The following GPD1L variants were observed in gnomAD, a reference collection of about 807,000 sequenced individuals.
GPD1L encodes glycerol-3-phosphate dehydrogenase 1-like protein.
In GPD1L, 17 loss-of-function variants were observed where a neutral mutation model predicts 32.9. The observed-to-expected ratio is 0.52, with a 90% confidence interval of 0.35 to 0.78. The LOEUF is 0.78. Among genes scored for constraint, GPD1L ranks in the 30% least tolerant of loss-of-function variants. The pLI is 0.01. For synonymous variants in GPD1L, 187 were observed against 165.9 expected, an observed-to-expected ratio of 1.13 and a Z score of -0.98; for missense variants, 361 against 447.8, an observed-to-expected ratio of 0.81 and a Z score of 1.75.
intron 2 of GPD1L, among the ~76,000 whole-genome samples, chr3:32,132,532 C>T (rs1284883038): frequency 6.6e-6 from 1 of 152,146 alleles, no homozygotes. Flanking sequence ...CAGTTCAGTG[C>T]GAAGCCTCAG....
intron 5 of GPD1L, chr3:32,151,142 C>T (rs1231374079): frequency 1.1e-5 from 6 of 541,228 alleles, no homozygotes; most frequent in Middle Eastern, 6.2e-4. Context: ...CACTGGTTCC[C>T]ACAAAGTGCG....
At chr3:32,146,083 C>CTTT (rs59106750) in intron 4 of GPD1L, among the ~76,000 whole-genome samples, 18 of 126,156 alleles carry the variant, frequency 1.4e-4, no homozygotes, top group Non-Finnish European at 2.3e-4. Flanking sequence ...ATGCTTTTTT[C>CTTT]TTTTTTTTTT....
At chr3:32,149,345 C>T (rs931520357) in intron 5 of GPD1L, among the ~76,000 whole-genome samples, 3 of 152,120 alleles carry the variant, frequency 2.0e-5, no homozygotes, top group African/African-American at 4.8e-5. Context: ...ACAGGCATGA[C>T]CCACCACATC....
intron 2 of GPD1L, among the ~76,000 whole-genome samples, chr3:32,128,702 A>G (rs1251804217): frequency 6.6e-6 from 1 of 152,170 alleles, no homozygotes; most frequent in East Asian, 1.9e-4. Flanking sequence ...CTTTTAAGAC[A>G]CTGTTTCCAG....
chr3:32,161,629 G>T (rs189388807), intron 7 of GPD1L, among the ~76,000 whole-genome samples: 1 of 152,296 alleles, frequency 6.6e-6, no homozygotes, highest in East Asian at 1.9e-4. Flanking sequence ...AGGTTGGCTG[G>T]GCATTAGCCT....
chr3:32,162,745 G>A (rs1035971356), intron 7 of GPD1L, among the ~76,000 whole-genome samples: 2 of 152,070 alleles, frequency 1.3e-5, no homozygotes, highest in African/African-American at 2.4e-5. Context: ...AATTCAGCCC[G>A]TACACAACAT....
At chr3:32,128,283 T>C (rs1263821018) in intron 2 of GPD1L, 30 bp downstream of exon 2, 6 of 1,580,482 alleles carry the variant, frequency 3.8e-6, no homozygotes. Context: ...TGTACATTGG[T>C]TCATTCTGCA....
chr3:32,146,509 A>G (rs1205613706), intron 4 of GPD1L, 113 bp from the exon 5 acceptor site: 22 of 737,114 alleles, frequency 3.0e-5, no homozygotes, highest in Middle Eastern at 4.7e-4. Context: ...TAAATATCCT[A>G]TCATGAACAT....
At chr3:32,165,711 A>G in intron 7 of GPD1L, 103 bp from the exon 8 acceptor site, 1 of 730,336 alleles carries the variant, frequency 1.4e-6, no homozygotes, top group Non-Finnish European at 2.5e-6. Context: ...TGTTTTCCAT[A>G]GTCACATACT....
intron 5 of GPD1L, among the ~76,000 whole-genome samples, chr3:32,155,399 C>T (rs1258902551): frequency 1.3e-5 from 2 of 152,204 alleles, no homozygotes; most frequent in South Asian, 4.1e-4. Context: ...TGCCTCCCCT[C>T]CTCTGTTGAC....
rs557391794 is a variant in GPD1L, at chr3:32,131,681, T to A, written c.225+3428T>A. 1.1e-4 allele frequency among the ~76,000 whole-genome samples: 17 copies of A among 152,378 alleles called. No homozygotes were observed. In the East Asian group the frequency reaches 3.3e-3, roughly 29 times the overall value. On this transcript the variant is annotated intron_variant, in intron 2 of 7. Transcript: ENST00000282541. ...TGATGGTCATTTGAGCTGTTTCCAC[T>A]CTTTGGGTATTATGAATAATACCTT...
chr3:32,123,331 G>A (rs1386043488), intron 1 of GPD1L, among the ~76,000 whole-genome samples: 1 of 152,206 alleles, frequency 6.6e-6, no homozygotes, highest in Non-Finnish European at 1.5e-5. Context: ...ATTACTACCT[G>A]CCAAGGCTCA....
chr3:32,115,817 C>T (rs1156998768), intron 1 of GPD1L, among the ~76,000 whole-genome samples: 3 of 80,976 alleles, frequency 3.7e-5, no homozygotes, highest in Non-Finnish European at 7.1e-5. Flanking sequence ...GAGACGGAGT[C>T]TCGCTCTGTT....
chr3:32,146,337 C>G (rs1700825520), intron 4 of GPD1L, among the ~76,000 whole-genome samples: 1 of 152,112 alleles, frequency 6.6e-6, no homozygotes, highest in African/African-American at 2.4e-5. Flanking sequence ...CTGCCCGCCT[C>G]AGCCTCCCAA....
At position 32,136,480 on chromosome 3, in the gene GPD1L, A is replaced by G. The variant is rs574024699; in HGVS notation, c.226-2107A>G. The stretch of plus-strand genomic sequence containing the variant: ...GGGGAAGTTGTAGCTTTTGAAAGGA[A>G]GTTTAAGGAAACTTCTAGAAAGAAG... On this transcript the variant is annotated intron_variant, in intron 2 of 7. Coordinates refer to ENST00000282541, the MANE Select transcript of GPD1L (RefSeq NM_015141.4). 3.3e-5 allele frequency among the ~76,000 whole-genome samples: 5 copies of G among 152,336 alleles called. No individual in the cohort carries two copies. In the South Asian group the frequency reaches 1.0e-3, roughly 32 times the overall value.
intron 2 of GPD1L, among the ~76,000 whole-genome samples, chr3:32,136,059 C>G (rs1339972059): frequency 6.6e-6 from 1 of 152,178 alleles, no homozygotes; most frequent in Non-Finnish European, 1.5e-5. Context: ...TGTTTTGGCT[C>G]TTGTAACTAA....
chr3:32,153,846 C>A (rs1209252445), intron 5 of GPD1L, among the ~76,000 whole-genome samples: 2 of 152,138 alleles, frequency 1.3e-5, no homozygotes, highest in African/African-American at 2.4e-5. Context: ...CCATCCAACC[C>A]ACCCCTATTC....
At chr3:32,114,708 G>A (rs1401325988) in intron 1 of GPD1L, among the ~76,000 whole-genome samples, 16 of 151,628 alleles carry the variant, frequency 1.1e-4, no homozygotes, top group African/African-American at 2.7e-4. Flanking sequence ...GGACCCTCAC[G>A]GTGAGTGTTA....
At chr3:32,108,685 A>G (rs1224033119) in intron 1 of GPD1L, among the ~76,000 whole-genome samples, 3 of 152,170 alleles carry the variant, frequency 2.0e-5, no homozygotes, top group African/African-American at 4.8e-5. Flanking sequence ...GCTTACATAT[A>G]GTCCTTTCGC....
Sources: allele counts gnomAD v4.1 joint callset (sites outside exome capture counted in the v4.1 genomes callset), GRCh38; gene constraint gnomAD v4.1.1; transcripts MANE v1.5; gene names NCBI Gene and HGNC (gene_info 2026-07-23, HGNC 2026-07-21).